Variants in MKKS observed in about 807,000 individuals in gnomAD.
The protein encoded by MKKS is molecular chaperone MKKS.
A neutral mutation model predicts 33.2 loss-of-function variants in MKKS; 29 were observed. That is an observed-to-expected ratio of 0.87 (90% confidence interval 0.65 to 1.19). The LOEUF (loss-of-function observed/expected upper bound fraction) is 1.19. Among genes scored for constraint, MKKS ranks in the 50% most tolerant of loss-of-function variants. The probability of loss-of-function intolerance (pLI) is 0.00; values close to 1 mark genes in which losing one functional copy is unlikely to be tolerated. For synonymous variants in MKKS, 260 were observed against 244.0 expected (o/e 1.07, Z -0.61); for missense variants, 661 against 662.3 (o/e 1.00, Z 0.02).
chr20:10,411,368 T>C (rs1184997819), intron 3 of MKKS, among the ~76,000 whole-genome samples: 1 of 152,042 alleles, frequency 6.6e-6, no homozygotes, highest in Non-Finnish European at 1.5e-5. Context: ...CTGCCTCAAC[T>C]TCCCAGGTAG....
intron 1 of MKKS, among the ~76,000 whole-genome samples, chr20:10,427,436 A>G (rs1197376098): frequency 1.3e-5 from 2 of 152,256 alleles, no homozygotes; most frequent in Non-Finnish European, 2.9e-5. Flanking sequence ...TTAAAAACCA[A>G]TTAACCCAGC....
intron 1 of MKKS, among the ~76,000 whole-genome samples, chr20:10,421,424 A>C (rs916694592): frequency 1.4e-4 from 22 of 152,130 alleles, no homozygotes; most frequent in African/African-American, 5.1e-4. Flanking sequence ...CACAAAAAAA[A>C]AAAAAAAAAA....
At position 10,405,666 on chromosome 20, in the gene MKKS, T is replaced by A. The variant is rs374485160; in HGVS notation, c.1294A>T (p.Ile432Phe). Residue 432 changes from isoleucine (I) to phenylalanine (F), a missense_variant, in exon 6 of 6, where the codon ATT becomes TTT. Coordinates refer to ENST00000347364, the MANE Select transcript of MKKS (RefSeq NM_170784.3). The part of the protein sequence containing the change: ...RHKTHNDPES[I>F]LKDDECTQTE... ...TGAGTACATTCATCATCTTTGAGAA[T>A]GCTTTCTGGGTCGTTGTGAGTCTAA... The A allele has an allele frequency of 8.0e-5, 129 of 1,613,984 alleles. No individual in the cohort carries two copies. Among genetic ancestry groups the A allele is most frequent in the Non-Finnish European group, 1.0e-4 (119 of 1,179,936 alleles).
chr20:10,433,148 C>T (rs962748535), intron 1 of MKKS, among the ~76,000 whole-genome samples: 2 of 152,254 alleles, frequency 1.3e-5, no homozygotes, highest in South Asian at 4.1e-4. Context: ...GGATTACAGG[C>T]GTGCGCCACT....
intron 2 of MKKS, among the ~76,000 whole-genome samples, 187 bp downstream of exon 2, chr20:10,420,341 G>A (rs2064970648): frequency 6.6e-6 from 1 of 152,154 alleles, no homozygotes; most frequent in Non-Finnish European, 1.5e-5. Flanking sequence ...CCAGGCAAGT[G>A]TCAAATGTCT....
At chr20:10,411,843 A>G (rs909966711) in intron 3 of MKKS, among the ~76,000 whole-genome samples, 1 of 152,194 alleles carries the variant, frequency 6.6e-6, no homozygotes, top group East Asian at 1.9e-4. Context: ...TTTGGCTCTA[A>G]CAGTACTTAT....
chr20:10,414,928 T>C (rs547732145), intron 2 of MKKS, among the ~76,000 whole-genome samples: 6 of 152,324 alleles, frequency 3.9e-5, no homozygotes, highest in African/African-American at 1.4e-4. Context: ...CCCAAAGCAC[T>C]GGTTAATGAC....
rs1334961999 is a variant in MKKS, at chr20:10,413,340, G to C, written c.175C>G (p.Gln59Glu). Residue 59 changes from glutamine to glutamate, a missense_variant, in exon 3 of 6, where the codon CAG becomes GAG. By Grantham distance (29) the Gln-to-Glu change is conservative. Transcript: ENST00000347364. ...GFGGYVCTTS[Q>E]SSALLSHLLV... ...AGGTGACTGAGCAGAGCTGAGGACT[G>C]TGAGGTTGTACACACGTAACCTCCA... 1.2e-6 allele frequency: 2 copies of C among 1,614,042 alleles called. No homozygotes were observed. Among genetic ancestry groups the C allele is most frequent in the Admixed American group, 1.7e-5 (1 of 60,012 alleles).
At chr20:10,407,148 A>G (rs1427774485) in intron 5 of MKKS, among the ~76,000 whole-genome samples, 4 of 152,208 alleles carry the variant, frequency 2.6e-5, no homozygotes, top group African/African-American at 9.6e-5. Flanking sequence ...AATTGCTTAA[A>G]TAAATGAAAC....
Position 10,405,210 on chromosome 20 carries a change from T to G in MKKS, c.*37A>C. The G allele has an allele frequency of 6.5e-7, 1 of 1,527,496 alleles. No individual in the cohort carries two copies. The highest frequency in any genetic ancestry group is 8.9e-7 in the Non-Finnish European group (1 of 1,119,288). 94.6% of individuals were successfully genotyped at this position (1,527,496 alleles called of 1,614,324 possible). On this transcript the variant is annotated 3_prime_UTR_variant, in exon 6 of 6. Transcript: ENST00000347364. ...TTTTCTCAATTGCCAACAGACTAGT[T>G]TATTTGTTTCTCTTGTAATACGAAC... is the stretch of plus-strand genomic sequence containing the variant.
intron 1 of MKKS, among the ~76,000 whole-genome samples, chr20:10,426,851 C>T (rs903521411): frequency 3.3e-5 from 5 of 152,086 alleles, no homozygotes; most frequent in African/African-American, 7.2e-5. Flanking sequence ...AAAACACATC[C>T]GTGACCTACT....
Position 10,404,446 on chromosome 20 carries a change from T to C in MKKS, c.*801A>G, listed in dbSNP as rs908125998. On this transcript the variant is annotated 3_prime_UTR_variant, in exon 6 of 6. Transcript: ENST00000347364. ...TCTAGTGTGCAGAGGCCAGGGATGCTGCTCAGTAAGCTGTAATGCACAGGG... is the reference window on the plus strand; with the variant it reads ...TCTAGTGTGCAGAGGCCAGGGATGCCGCTCAGTAAGCTGTAATGCACAGGG... 6.6e-6 allele frequency: 1 copy of C among 151,428 alleles called. No individual in the cohort carries two copies. Among genetic ancestry groups the C allele is most frequent in the Non-Finnish European group, 1.5e-5 (1 of 67,924 alleles). The allele number at this position is 151,428 out of a possible 1,614,324, so 9.4% of individuals were successfully genotyped here. A position where few individuals can be genotyped will look rare whatever the true frequency, so the allele number is the denominator to read the frequency against.
chr20:10,412,548 G>A lies in MKKS; in HGVS notation c.967C>T (p.Pro323Ser), dbSNP rs2064897201. The A allele has an allele frequency of 6.8e-6, 11 of 1,613,772 alleles. No homozygotes were observed. The highest frequency in any genetic ancestry group is 9.3e-6 in the Non-Finnish European group (11 of 1,179,978). The change falls in exon 3 of 6, where the codon CCC becomes TCC. Residue 323 changes from proline to serine, a missense_variant. Transcript: ENST00000347364. ...IDRIGVTLME[P>S]LTKMTGTQPI... ...TTTTTACCTGTCATTTTAGTCAGGGGTTCCATCAGAGTCACTCCAATTCTG... is the reference window on the plus strand; with the variant it reads ...TTTTTACCTGTCATTTTAGTCAGGGATTCCATCAGAGTCACTCCAATTCTG...
At chr20:10,408,054 A>G (rs1801852829) in intron 4 of MKKS, among the ~76,000 whole-genome samples, 1 of 152,234 alleles carries the variant, frequency 6.6e-6, no homozygotes, top group African/African-American at 2.4e-5. Flanking sequence ...CCACTAAAAA[A>G]ATCATTTCAG....
At chr20:10,423,569 T>G (rs1379427146) in intron 1 of MKKS, among the ~76,000 whole-genome samples, 2 of 152,186 alleles carry the variant, frequency 1.3e-5, no homozygotes, top group African/African-American at 4.8e-5. Flanking sequence ...TACTATTCTC[T>G]CCAGCAAAGT....
At chr20:10,410,980 C>T (rs6133912) in intron 3 of MKKS, among the ~76,000 whole-genome samples, 21,739 of 150,572 alleles carry the variant, frequency 0.14, 1,748 homozygotes, top group East Asian at 0.24. Context: ...ATGGTTTCTA[C>T]GGGAAAATGT....
At chr20:10,432,381 G>C (rs1445933245) in intron 1 of MKKS, among the ~76,000 whole-genome samples, 1 of 152,118 alleles carries the variant, frequency 6.6e-6, no homozygotes, top group African/African-American at 2.4e-5. Context: ...CCCAACCTAG[G>C]ACAATCTAGA....
chr20:10,401,446 T>G lies in MKKS; in HGVS notation c.*3801A>C, dbSNP rs1600840885. On this transcript the variant is annotated 3_prime_UTR_variant, in exon 6 of 6. Transcript: ENST00000347364. ...TTGACTTTTCCTTCAGATTAAGAGA[T>G]AGCTTTATTTAGACAGCTGAAACAG... 6.6e-6 allele frequency: 1 copy of G among 152,212 alleles called. No individual in the cohort carries two copies. Among genetic ancestry groups the G allele is most frequent in the African/African-American group, 2.4e-5 (1 of 41,464 alleles). 9.4% of individuals were successfully genotyped at this position (152,212 alleles called of 1,614,324 possible). A position where few individuals can be genotyped will look rare whatever the true frequency, so the allele number is the denominator to read the frequency against.
chr20:10,407,751 A>T, intron 4 of MKKS, 25 bp from the exon 5 acceptor site: 10 of 1,544,596 alleles, frequency 6.5e-6, no homozygotes, highest in Non-Finnish European at 8.9e-6. Context: ...AAATCATCAG[A>T]ATCAGACGTT....
Sources: gnomAD v4.1 joint callset for allele counts (sites outside exome capture counted in the v4.1 genomes callset) on GRCh38, gnomAD v4.1.1 for gene constraint, MANE v1.5 for transcripts, NCBI Gene and HGNC (gene_info 2026-07-23, HGNC 2026-07-21) for gene names.